Variants in HPSE2 observed in about 807,000 individuals in gnomAD.
HPSE2 encodes inactive heparanase-2.
In HPSE2, 38 loss-of-function variants were observed where a neutral mutation model predicts 60.5. The ratio of observed to expected loss-of-function variants is 0.63; its 90% CI spans 0.48 to 0.82. The LOEUF is 0.82. Ranked by LOEUF, HPSE2 falls within the 40% of genes least tolerant of loss-of-function variation. The pLI is 0.00. For missense variants in HPSE2, 713 were observed against 740.4 expected, an observed-to-expected ratio of 0.96 and a Z score of 0.43; for synonymous variants, 295 against 293.2, an observed-to-expected ratio of 1.01 and a Z score of -0.06.
intron 3 of HPSE2, among the ~76,000 whole-genome samples, chr10:98,819,844 C>T (rs78029841): frequency 4.3e-4 from 66 of 152,094 alleles, no homozygotes; most frequent in African/African-American, 1.5e-3. Flanking sequence ...AATCTTGTGG[C>T]GCCTAGTACT....
chr10:99,252,456 T>A, the HPSE2 span, among the ~76,000 whole-genome samples: 45 of 152,244 alleles, frequency 3.0e-4, 1 homozygote, highest in African/African-American at 1.0e-3. Context: ...CTAGAATGGA[T>A]AAATGACTTT....
chr10:98,563,419 G>T (rs1170391128), intron 9 of HPSE2, among the ~76,000 whole-genome samples: 1 of 151,996 alleles, frequency 6.6e-6, no homozygotes, highest in Non-Finnish European at 1.5e-5. Context: ...GAGGGTTGGG[G>T]GCGTACCGGT....
chr10:99,020,586 A>C (rs1957241081), intron 3 of HPSE2, among the ~76,000 whole-genome samples: 1 of 152,212 alleles, frequency 6.6e-6, no homozygotes, highest in Admixed American at 6.5e-5. Flanking sequence ...TTGCAAGTTT[A>C]AAATGCTTTG....
intron 3 of HPSE2, among the ~76,000 whole-genome samples, chr10:98,965,867 T>G (rs942237531): frequency 6.6e-6 from 1 of 152,158 alleles, no homozygotes; most frequent in Non-Finnish European, 1.5e-5. Flanking sequence ...TGTTCATTCA[T>G]TCAGTCATTT....
chr10:99,096,150 G>A (rs1057079136), intron 3 of HPSE2, among the ~76,000 whole-genome samples: 8 of 152,036 alleles, frequency 5.3e-5, no homozygotes, highest in African/African-American at 1.9e-4. Flanking sequence ...GATGGGTTTT[G>A]TACATGTTTT....
chr10:98,726,449 C>T (rs139820140), intron 4 of HPSE2, among the ~76,000 whole-genome samples: 20,604 of 133,000 alleles, frequency 0.15, 1,876 homozygotes, highest in Admixed American at 0.27. Flanking sequence ...AACACATGGA[C>T]ACAGGAAGGG....
intron 3 of HPSE2, among the ~76,000 whole-genome samples, chr10:98,883,901 C>T (rs911166668): frequency 6.6e-6 from 1 of 152,080 alleles, no homozygotes; most frequent in Non-Finnish European, 1.5e-5. Flanking sequence ...AAGCTCAAAA[C>T]AATTAAGCTT....
At chr10:98,841,837 TG>T (rs1273613364) in intron 3 of HPSE2, among the ~76,000 whole-genome samples, 2 of 151,444 alleles carry the variant, frequency 1.3e-5, no homozygotes, top group Non-Finnish European at 2.9e-5. Flanking sequence ...GACGAAGTCT[TG>T]CTCTGTCACC....
intron 3 of HPSE2, among the ~76,000 whole-genome samples, chr10:99,137,996 A>T (rs1845724315): frequency 6.6e-6 from 1 of 152,242 alleles, no homozygotes; most frequent in Non-Finnish European, 1.5e-5. Context: ...TATCCATCTG[A>T]CAAAGGGCTA....
At chr10:98,507,108 G>T (rs766054153) in intron 9 of HPSE2, among the ~76,000 whole-genome samples, 4 of 152,144 alleles carry the variant, frequency 2.6e-5, no homozygotes, top group African/African-American at 9.7e-5. Flanking sequence ...ATGTGTATAC[G>T]AATAGGTTAA....
At chr10:99,140,151 A>G (rs1326365016) in intron 3 of HPSE2, among the ~76,000 whole-genome samples, 1 of 152,234 alleles carries the variant, frequency 6.6e-6, no homozygotes, top group African/African-American at 2.4e-5. Context: ...TGATTTGCAC[A>G]CTGTTGCTCA....
chr10:98,510,174 T>C (rs1351083307), intron 9 of HPSE2, among the ~76,000 whole-genome samples: 1 of 152,160 alleles, frequency 6.6e-6, no homozygotes, highest in Non-Finnish European at 1.5e-5. Flanking sequence ...TTTTGAAATG[T>C]TTTGTCTTTA....
At chr10:98,536,948 G>A (rs915785278) in intron 9 of HPSE2, among the ~76,000 whole-genome samples, 3 of 152,156 alleles carry the variant, frequency 2.0e-5, no homozygotes, top group East Asian at 1.9e-4. Flanking sequence ...AAGTCTCTGT[G>A]GCCCATTTTA....
At chr10:98,774,159 T>C (rs953855074) in intron 3 of HPSE2, among the ~76,000 whole-genome samples, 6 of 152,130 alleles carry the variant, frequency 3.9e-5, no homozygotes, top group African/African-American at 1.4e-4. Flanking sequence ...TAAATACATA[T>C]ATACATTCCT....
chr10:99,196,914 T>C (rs754547543), intron 2 of HPSE2, among the ~76,000 whole-genome samples: 2 of 152,178 alleles, frequency 1.3e-5, no homozygotes, highest in Non-Finnish European at 2.9e-5. Flanking sequence ...AAGAGGTATC[T>C]GCACTCTTGT....
chr10:99,067,411 G>A (rs556794875), intron 3 of HPSE2, among the ~76,000 whole-genome samples: 13 of 152,284 alleles, frequency 8.5e-5, no homozygotes, highest in Non-Finnish European at 1.6e-4. Context: ...TCTCCATGAC[G>A]GTTCCACCCC....
chr10:99,237,304 C>A (rs1234006862), upstream of HPSE2, among the ~76,000 whole-genome samples: 1 of 152,156 alleles, frequency 6.6e-6, no homozygotes, highest in Non-Finnish European at 1.5e-5. Flanking sequence ...ATCAAACAAG[C>A]AAAACCCTAA....
intron 3 of HPSE2, among the ~76,000 whole-genome samples, chr10:98,952,317 TGTGTG>T (rs1564685867): frequency 6.3e-4 from 11 of 17,534 alleles, no homozygotes; most frequent in Non-Finnish European, 2.5e-3. Context: ...AATTTGTTTG[TGTGTG>T]TGTGTGTGTG....
At chr10:99,140,935 G>T (rs1443533741) in intron 3 of HPSE2, among the ~76,000 whole-genome samples, 1 of 152,150 alleles carries the variant, frequency 6.6e-6, no homozygotes, top group Admixed American at 6.6e-5. Flanking sequence ...TACTCCGGAG[G>T]CTGAGGCAGA....
Sources: gnomAD v4.1 joint callset for allele counts (sites outside exome capture counted in the v4.1 genomes callset) on GRCh38, gnomAD v4.1.1 for gene constraint, MANE v1.5 for transcripts, NCBI Gene and HGNC (gene_info 2026-07-23, HGNC 2026-07-21) for gene names.